Variants in RERE observed in about 807,000 individuals in gnomAD.
RERE encodes the protein arginine-glutamic acid dipeptide repeats.
A neutral mutation model predicts 146.1 loss-of-function variants in RERE; 40 were observed. The observed-to-expected ratio is 0.27, with a 90% CI of 0.21 to 0.36. The LOEUF (loss-of-function observed/expected upper bound fraction) is 0.36, where lower values mean the gene tolerates loss of function less well. Ranked by LOEUF, RERE falls within the 10% of genes least tolerant of loss-of-function variation. The pLI, the probability that RERE is intolerant of heterozygous loss-of-function variation, is 1.00. For synonymous variants in RERE, 1,003 were observed against 866.0 expected, an observed-to-expected ratio of 1.16 and a Z score of -2.78; for missense variants, 1,933 against 2,138.7, an observed-to-expected ratio of 0.90 and a Z score of 1.90.
chr1:8,458,775 G>C (rs1240557182), intron 11 of RERE, among the ~76,000 whole-genome samples: 1 of 152,210 alleles, frequency 6.6e-6, no homozygotes, highest in Non-Finnish European at 1.5e-5. Flanking sequence ...ACAGCATAAA[G>C]AGGAAGCCTA....
In RERE at chr1:8,359,966, C is replaced by T. The variant is rs370423843; in HGVS notation, c.3416G>A (p.Arg1139Gln). 1.9e-6 allele frequency: 3 copies of T among 1,612,916 alleles called. No homozygotes were observed. The highest frequency in any genetic ancestry group is 2.5e-6 in the Non-Finnish European group (3 of 1,180,028). Residue 1139 changes from arginine (R) to glutamine (Q), a missense_variant, in exon 19 of 23, where the codon CGG becomes CAG. Around this residue, in one of 11 missense-constraint regions of RERE, gnomAD observed 1,255 missense variants for 1,153.8 expected, o/e 1.09. Transcript: ENST00000400908. Reference sequence around the variant, plus strand: ...TGTCCGGGCACACGAGTTGTAGCCCCGGTCCAGGTGTTTGTAGAACCTGAG... The same window carrying T: ...TGTCCGGGCACACGAGTTGTAGCCCTGGTCCAGGTGTTTGTAGAACCTGAG... ...QSARFYKHLD[R>Q]GYNSCARTDL...
At chr1:8,501,162 G>A (rs1187096414) in intron 8 of RERE, among the ~76,000 whole-genome samples, 1 of 150,502 alleles carries the variant, frequency 6.6e-6, no homozygotes, top group Non-Finnish European at 1.5e-5. Context: ...CCGGGAGGGG[G>A]GGTCAGCCCC....
chr1:8,395,103 A>T (rs1196648056), intron 12 of RERE, among the ~76,000 whole-genome samples: 1 of 152,218 alleles, frequency 6.6e-6, no homozygotes, highest in Non-Finnish European at 1.5e-5. Flanking sequence ...TTCCTGTAAT[A>T]AGATATTGTA....
intron 10 of RERE, among the ~76,000 whole-genome samples, chr1:8,487,386 C>T (rs1644916268): frequency 6.6e-6 from 1 of 152,056 alleles, no homozygotes; most frequent in Non-Finnish European, 1.5e-5. Flanking sequence ...CGAGACCAGG[C>T]TGGGCAACAT....
intron 4 of RERE, 30 bp downstream of exon 4, chr1:8,614,531 G>A (rs1465372509): frequency 6.3e-7 from 1 of 1,597,354 alleles, no homozygotes; most frequent in Non-Finnish European, 8.5e-7. Context: ...ATAAAATACT[G>A]ATAGCTTTTA....
At chr1:8,808,045 G>A (rs377504691) in intron 1 of RERE, among the ~76,000 whole-genome samples, 45 of 151,282 alleles carry the variant, frequency 3.0e-4, no homozygotes, top group African/African-American at 9.7e-4. Context: ...TTGGGAGGCC[G>A]AGGTGGGAGA....
chr1:8,466,840 C>T (rs766490975), intron 10 of RERE, among the ~76,000 whole-genome samples: 1 of 152,172 alleles, frequency 6.6e-6, no homozygotes, highest in Non-Finnish European at 1.5e-5. Context: ...TGGACACCTT[C>T]CCACCTCGCA....
intron 8 of RERE, among the ~76,000 whole-genome samples, chr1:8,498,535 A>C (rs1160933082): frequency 6.6e-6 from 1 of 151,556 alleles, no homozygotes; most frequent in Non-Finnish European, 1.5e-5. Flanking sequence ...GTCACTACTA[A>C]TAATACAAAA....
chr1:8,525,837 G>A, intron 7 of RERE: 2 of 1,538,142 alleles, frequency 1.3e-6, no homozygotes, highest in Non-Finnish European at 1.7e-6. Context: ...TTTACTTTCT[G>A]CTAAAACTCT....
intron 1 of RERE, among the ~76,000 whole-genome samples, chr1:8,713,473 T>C (rs986272214): frequency 5.3e-5 from 8 of 152,090 alleles, no homozygotes; most frequent in African/African-American, 1.9e-4. Flanking sequence ...GTGGCTCACA[T>C]CTATAATCCT....
chr1:8,557,621 C>T (rs982211043), intron 4 of RERE, 98 bp from the exon 5 acceptor site: 8 of 745,602 alleles, frequency 1.1e-5, no homozygotes, highest in African/African-American at 8.7e-5. Flanking sequence ...CGGGTGGACA[C>T]GTAGATAGGG....
rs139271622 is a variant in RERE at position 8,580,583 on chromosome 1, G to A, written c.523-23060C>T. Among the ~76,000 whole-genome samples, 10 of 152,312 alleles carry A rather than the reference G, an allele frequency of 6.6e-5. No individual in the cohort carries two copies. In the East Asian group the frequency reaches 1.5e-3, roughly 23 times the overall value. ...TTATACTTTACATGTGAAATGCAGA[G>A]ATTTTTAGATACACTATTTAGTTTT... On this transcript the variant is annotated intron_variant, in intron 4 of 22. Coordinates refer to ENST00000400908, the MANE Select transcript of RERE (RefSeq NM_001042681.2).
intron 1 of RERE, among the ~76,000 whole-genome samples, chr1:8,658,617 C>A (rs1299016214): frequency 1.3e-5 from 2 of 151,864 alleles, no homozygotes. Context: ...ATTAGCCGAG[C>A]GTGGTGGTGG....
rs768847665 is a variant in RERE, at chr1:8,614,703, T to A, written c.397-17A>T. 1 of 1,602,156 alleles carries A rather than the reference T, an allele frequency of 6.2e-7. No individual in the cohort carries two copies. Among genetic ancestry groups the A allele is most frequent in the Non-Finnish European group, 8.5e-7 (1 of 1,174,440 alleles). On this transcript the variant is annotated splice_polypyrimidine_tract_variant and intron_variant, in intron 3 of 22. Transcript: ENST00000400908. ...GTTGTGGACCTAAAAAAGAAAACAG[T>A]TTTAAGTTAACGTGCCCAACGCCCC...
intron 4 of RERE, among the ~76,000 whole-genome samples, chr1:8,599,729 T>A (rs1041261402): frequency 1.3e-5 from 2 of 152,204 alleles, no homozygotes; most frequent in Non-Finnish European, 2.9e-5. Context: ...GTTTAGCCCA[T>A]CAAGGAGTGA....
In RERE at chr1:8,571,362, C is replaced by A. The variant is rs1014403456; in HGVS notation, c.523-13839G>T. 2.6e-5 allele frequency among the ~76,000 whole-genome samples: 4 copies of A among 152,164 alleles called. No homozygotes were observed. The South Asian group carries it at 8.3e-4, about 32-fold the overall frequency. ...TTGTACCACTGCTGTCTGAATTAAA[C>A]CCTGAGTGTAGAGTTGGTAACACAG... On this transcript the variant is annotated intron_variant, in intron 4 of 22. Transcript: ENST00000400908.
chr1:8,757,929 C>CACATACACACACAA (rs749924094), intron 1 of RERE, among the ~76,000 whole-genome samples: 1 of 151,684 alleles, frequency 6.6e-6, no homozygotes, highest in Admixed American at 6.6e-5. Context: ...CACACACACA[C>CACATACACACACAA]ATATATATGC....
chr1:8,749,307 T>C (rs1458587091), intron 1 of RERE, among the ~76,000 whole-genome samples: 2 of 152,132 alleles, frequency 1.3e-5, no homozygotes, highest in Non-Finnish European at 2.9e-5. Flanking sequence ...GGGAGTTTAT[T>C]ATATTCTGAG....
In RERE at chr1:8,423,688, G is replaced by T. The variant is rs1196193851; in HGVS notation, c.1204-881C>A. On this transcript the variant is annotated intron_variant, in intron 11 of 22. Coordinates refer to ENST00000400908, the MANE Select transcript of RERE (RefSeq NM_001042681.2). The surrounding 1 kb of genome is among the most constrained non-coding windows in gnomAD (Gnocchi z 5.4). ...GCTCCACAAAGCGCAGGGCGGAGGC[G>T]GCCGCGGGTGGCTCGGCGTGTGACC... is the stretch of plus-strand genomic sequence containing the variant. 3.1e-6 allele frequency: 3 copies of T among 982,856 alleles called. No homozygotes were observed. The highest frequency in any genetic ancestry group is 3.6e-6 in the Non-Finnish European group (3 of 829,152). 60.9% of individuals were successfully genotyped at this position (982,856 alleles called of 1,614,324 possible).
Sources: gnomAD v4.1 joint callset for allele counts (sites outside exome capture counted in the v4.1 genomes callset) on GRCh38, gnomAD v4.1.1 for gene constraint, gnomAD v4.1.1 regional missense constraint, Gnocchi (gnomAD v3.1) non-coding constraint, MANE v1.5 for transcripts, NCBI Gene and HGNC (gene_info 2026-07-23, HGNC 2026-07-21) for gene names.